DEPDC1B: variants seen among roughly 807,000 people sequenced by gnomAD.
The protein encoded by DEPDC1B is DEP domain containing 1B, also known as DEP domain-containing protein 1B.
A neutral mutation model predicts 66.5 loss-of-function variants in DEPDC1B; 51 were observed. The observed-to-expected ratio is 0.77, with a 90% CI of 0.61 to 0.97. The LOEUF (loss-of-function observed/expected upper bound fraction) is 0.97. Among genes scored for constraint, DEPDC1B ranks in the 50% least tolerant of loss-of-function variants. The probability of loss-of-function intolerance (pLI) is 0.00; values close to 1 mark genes in which losing one functional copy is unlikely to be tolerated. For synonymous variants in DEPDC1B, 226 were observed against 223.6 expected (o/e 1.01, Z -0.10); for missense variants, 552 against 637.1 (o/e 0.87, Z 1.44).
chr5:60,637,941 AAGG>A (rs1554053094), intron 7 of DEPDC1B, among the ~76,000 whole-genome samples: 1 of 152,188 alleles, frequency 6.6e-6, no homozygotes, highest in Non-Finnish European at 1.5e-5. Context: ...CGACATAGAG[AAGG>A]AGGAGGAGGA....
At chr5:60,677,677 T>C (rs1754202002) in intron 2 of DEPDC1B, among the ~76,000 whole-genome samples, 1 of 152,062 alleles carries the variant, frequency 6.6e-6, no homozygotes, top group Admixed American at 6.6e-5. Flanking sequence ...GCTTGGTCTA[T>C]GGTACATGCC....
chr5:60,604,218 CTT>C (rs869142199), intron 8 of DEPDC1B, among the ~76,000 whole-genome samples: 4,143 of 68,736 alleles, frequency 0.06, 181 homozygotes, highest in African/African-American at 0.15. Flanking sequence ...ATTAACTATT[CTT>C]TTTTTTTTTT....
At chr5:60,650,035 A>G (rs999217856) in intron 2 of DEPDC1B, among the ~76,000 whole-genome samples, 2 of 151,916 alleles carry the variant, frequency 1.3e-5, no homozygotes, top group African/African-American at 4.8e-5. Flanking sequence ...ATATTAATAT[A>G]AAAATTTTTA....
intron 2 of DEPDC1B, among the ~76,000 whole-genome samples, chr5:60,676,744 C>CCCTTCT (rs1269761152): frequency 3.3e-5 from 5 of 152,138 alleles, no homozygotes; most frequent in Non-Finnish European, 7.3e-5. Flanking sequence ...CGTCTCCTTC[C>CCCTTCT]CCTTCTCCTT....
chr5:60,658,975 T>C (rs1413471663), intron 2 of DEPDC1B, among the ~76,000 whole-genome samples: 2 of 152,184 alleles, frequency 1.3e-5, no homozygotes, highest in Non-Finnish European at 2.9e-5. Context: ...AGACACCCAT[T>C]GCCGCTCCCA....
chr5:60,642,944 G>T, intron 5 of DEPDC1B, 85 bp from the exon 6 acceptor site: 2 of 1,017,936 alleles, frequency 2.0e-6, no homozygotes, highest in Non-Finnish European at 3.0e-6. Context: ...TGTATTACTT[G>T]CCCAAGTAAT....
intron 7 of DEPDC1B, among the ~76,000 whole-genome samples, chr5:60,607,206 A>G (rs561730638): frequency 6.6e-6 from 1 of 152,328 alleles, no homozygotes; most frequent in Non-Finnish European, 1.5e-5. Flanking sequence ...AGCTAGAAAG[A>G]TCAACAGAGA....
chr5:60,600,185 G>A (rs961724084), intron 9 of DEPDC1B, among the ~76,000 whole-genome samples: 2 of 152,002 alleles, frequency 1.3e-5, no homozygotes, highest in African/African-American at 2.4e-5. Flanking sequence ...AGGAAGAGAG[G>A]GGTACTACAA....
At chr5:60,692,187 T>G (rs1024705451) in intron 1 of DEPDC1B, among the ~76,000 whole-genome samples, 1 of 151,154 alleles carries the variant, frequency 6.6e-6, no homozygotes. Flanking sequence ...CTGAGGGGAG[T>G]GGGGAACGGG....
chr5:60,665,574 G>T (rs965180349), intron 2 of DEPDC1B, among the ~76,000 whole-genome samples: 2 of 152,112 alleles, frequency 1.3e-5, no homozygotes, highest in African/African-American at 2.4e-5. Flanking sequence ...GATATTGAAG[G>T]CACCCCTCCC....
chr5:60,700,110 C>G lies in DEPDC1B; in HGVS notation c.-17G>C. The G allele has an allele frequency of 6.5e-7, 1 of 1,543,748 alleles. No homozygotes were observed. Among genetic ancestry groups the G allele is most frequent in the Non-Finnish European group, 8.7e-7 (1 of 1,146,956 alleles). On this transcript the variant is annotated 5_prime_UTR_variant, in exon 1 of 11. Coordinates refer to ENST00000265036, the MANE Select transcript of DEPDC1B (RefSeq NM_018369.3). ...ATGCTCCATGGCGCGTAGGCAGCAG[C>G]GGCCGCAGCCGCGCCAGCGCTGATC... is the stretch of plus-strand genomic sequence containing the variant.
chr5:60,603,826 C>CATATATATATATATATATATATAT (rs34747463), intron 8 of DEPDC1B, among the ~76,000 whole-genome samples: 80 of 146,086 alleles, frequency 5.5e-4, no homozygotes, highest in African/African-American at 1.5e-3. Flanking sequence ...TTTAAATATA[C>CATATATATATATATATATATATAT]ATATATATAT....
At chr5:60,633,092 T>C (rs545094112) in intron 7 of DEPDC1B, among the ~76,000 whole-genome samples, 2 of 152,346 alleles carry the variant, frequency 1.3e-5, no homozygotes, top group South Asian at 4.1e-4. Context: ...AAGGCAATAG[T>C]TAATAGCATT....
intron 1 of DEPDC1B, among the ~76,000 whole-genome samples, chr5:60,689,495 G>C (rs2112039093): frequency 6.6e-6 from 1 of 152,286 alleles, no homozygotes; most frequent in Admixed American, 6.5e-5. Context: ...ATAAGTGGTA[G>C]AACCAATTTG....
chr5:60,621,280 G>A (rs1308026473), intron 7 of DEPDC1B, among the ~76,000 whole-genome samples: 2 of 148,592 alleles, frequency 1.3e-5, no homozygotes, highest in Admixed American at 6.8e-5. Flanking sequence ...CTAACTTAAA[G>A]TATAATAATA....
chr5:60,697,801 TC>T (rs1316087021), intron 1 of DEPDC1B, among the ~76,000 whole-genome samples: 1 of 152,228 alleles, frequency 6.6e-6, no homozygotes, highest in Non-Finnish European at 1.5e-5. Context: ...TCATTTATCT[TC>T]TTAACTTAAT....
At chr5:60,694,258 A>G (rs771621062) in intron 1 of DEPDC1B, among the ~76,000 whole-genome samples, 6 of 152,160 alleles carry the variant, frequency 3.9e-5, no homozygotes, top group Non-Finnish European at 7.4e-5. Context: ...ATCCTAAAAC[A>G]CGCTTTTGCA....
chr5:60,617,508 C>T (rs1165770525), intron 7 of DEPDC1B, among the ~76,000 whole-genome samples: 3 of 152,090 alleles, frequency 2.0e-5, no homozygotes, highest in Non-Finnish European at 2.9e-5. Flanking sequence ...ATAAAACAGA[C>T]TTTAAACCAA....
In DEPDC1B at chr5:60,644,817, T is replaced by G; in HGVS notation, c.637A>C (p.Asn213His). Reference protein sequence around the residue: ...LEEVLDVKLVNSKFIIHNVYS... With the variant: ...LEEVLDVKLVHSKFIIHNVYS... ...ACATTATGGATGATGAACTTCGAATTGACAAGTTTGACGTCTAAAACTTCT... is the reference window on the plus strand; with the variant it reads ...ACATTATGGATGATGAACTTCGAATGGACAAGTTTGACGTCTAAAACTTCT... The change falls in exon 5 of 11, where the codon AAT (asparagine) becomes CAT (histidine). Residue 213 changes from asparagine to histidine, a missense_variant. Coordinates refer to ENST00000265036, the MANE Select transcript of DEPDC1B (RefSeq NM_018369.3). The G allele has an allele frequency of 6.2e-7, 1 of 1,611,660 alleles. No homozygotes were observed. The highest frequency in any genetic ancestry group is 1.1e-5 in the South Asian group (1 of 90,572).
Sources: gnomAD v4.1 joint callset for allele counts (sites outside exome capture counted in the v4.1 genomes callset) on GRCh38, gnomAD v4.1.1 for gene constraint, MANE v1.5 for transcripts, NCBI Gene and HGNC (gene_info 2026-07-23, HGNC 2026-07-21) for gene names.